Variants in RUNX3 observed in about 807,000 individuals in gnomAD.
RUNX3 encodes the protein RUNX family transcription factor 3.
RUNX3 carries 10 observed loss-of-function variants against 27.7 expected under a neutral mutation model. That is an observed-to-expected ratio of 0.36 (90% CI 0.22 to 0.61). RUNX3 has a LOEUF of 0.61. RUNX3 is among the 20% of genes least tolerant of loss of function. The pLI, the probability that RUNX3 is intolerant of heterozygous loss-of-function variation, is 0.72. For synonymous variants in RUNX3, 270 were observed against 269.2 expected, an observed-to-expected ratio of 1.00 and a Z score of -0.03; for missense variants, 469 against 629.5, an observed-to-expected ratio of 0.75 and a Z score of 2.73.
rs1641119394 is a variant in RUNX3, at chr1:24,927,401, C to T, written c.439+173G>A. Among the ~76,000 whole-genome samples, 1 of 152,162 alleles carries T rather than the reference C, an allele frequency of 6.6e-6. No homozygotes were observed. Among genetic ancestry groups the T allele is most frequent in the Admixed American group, 6.5e-5 (1 of 15,280 alleles). On this transcript the variant is annotated intron_variant, in intron 2 of 4. Coordinates refer to ENST00000308873, the MANE Select transcript of RUNX3 (RefSeq NM_004350.3). This position sits in a 1 kb window ranked among gnomAD's most constrained non-coding sequence, Gnocchi z 5.0. ...TTTCTGGCAAGAGACCATAACTTTCCTCACCTCCTCAAAGCGATCTGTAAT... is the reference window on the plus strand; with the variant it reads ...TTTCTGGCAAGAGACCATAACTTTCTTCACCTCCTCAAAGCGATCTGTAAT...
chr1:24,923,593 G>A lies in RUNX3; in HGVS notation c.439+3981C>T, dbSNP rs192749348. ...CTCCAGGACCCATCATCAACCAGCC[G>A]GGGTGGCAGCAGGGCCTCAGGCAAG... On this transcript the variant is annotated intron_variant, in intron 2 of 4. Coordinates refer to ENST00000308873, the MANE Select transcript of RUNX3 (RefSeq NM_004350.3). This position sits in a 1 kb window ranked among gnomAD's most constrained non-coding sequence, Gnocchi z 5.9. Among the ~76,000 whole-genome samples, 7 of 152,234 alleles carry A rather than the reference G, an allele frequency of 4.6e-5. No homozygotes were observed. Among genetic ancestry groups the A allele is most frequent in the Admixed American group, 2.6e-4 (4 of 15,294 alleles).
At chr1:24,950,879 G>A (rs945294444) in intron 2 of RUNX3, among the ~76,000 whole-genome samples, 2 of 152,116 alleles carry the variant, frequency 1.3e-5, no homozygotes, top group African/African-American at 2.4e-5. Context: ...GGAACCCAGA[G>A]GTCCCTGCCA....
intron 2 of RUNX3, among the ~76,000 whole-genome samples, chr1:24,960,999 C>T (rs1030300546): frequency 1.3e-5 from 2 of 152,204 alleles, no homozygotes; most frequent in South Asian, 2.1e-4. Context: ...CATCCATGCA[C>T]CAGCCCTGAG....
intron 2 of RUNX3, among the ~76,000 whole-genome samples, chr1:24,958,840 C>T (rs1413185898): frequency 1.3e-5 from 2 of 152,228 alleles, no homozygotes; most frequent in Admixed American, 1.3e-4. Flanking sequence ...TGTTTGGGTT[C>T]AGTCTGGAAG....
At position 24,939,217 on chromosome 1, in the gene RUNX3, A is replaced by ATC. The variant is rs1453101821; in HGVS notation, c.59-9367_59-9366dup. On this transcript the variant is annotated intron_variant, in intron 2 of 6. Transcript: ENST00000338888. ...AGAGTGCACACACACACGCACACACATCTATACCCTACATGTGTGCACTCA... is the reference window on the plus strand; with the variant it reads ...AGAGTGCACACACACACGCACACACATCTCTATACCCTACATGTGTGCACTCA... Among the ~76,000 whole-genome samples the ATC allele has an allele frequency of 4.6e-5, 7 of 152,132 alleles. No individual in the cohort carries two copies. In the East Asian group the frequency reaches 1.3e-3, roughly 29 times the overall value.
chr1:24,914,555 G>T (rs1322068541), intron 3 of RUNX3, among the ~76,000 whole-genome samples: 1 of 152,206 alleles, frequency 6.6e-6, no homozygotes, highest in African/African-American at 2.4e-5. Flanking sequence ...CAGCGGGCAG[G>T]GAGGCGAGCG....
At chr1:24,931,979 T>G (rs1641240269), upstream of RUNX3, among the ~76,000 whole-genome samples, 1 of 152,198 alleles carries the variant, frequency 6.6e-6, no homozygotes, top group Non-Finnish European at 1.5e-5. Context: ...GCCTGGGCGC[T>G]CCCACCTCCG....
intron 2 of RUNX3, among the ~76,000 whole-genome samples, chr1:24,950,798 G>C (rs1417530127): frequency 6.6e-6 from 1 of 152,176 alleles, no homozygotes; most frequent in African/African-American, 2.4e-5. Flanking sequence ...GTAGGCCTGG[G>C]CATGACCCTG....
At chr1:24,907,798 CAAACCTCTACAACACACGGTGATCT>C (rs1557836939) in intron 3 of RUNX3, among the ~76,000 whole-genome samples, 44 of 134,984 alleles carry the variant, frequency 3.3e-4, no homozygotes, top group African/African-American at 6.2e-4. Flanking sequence ...CACGGTGATC[CAAACCTCTACAACACACGGTGATCT>C]AAACCTCTAC....
At chr1:24,944,673 G>A (rs1191055654) in intron 2 of RUNX3, among the ~76,000 whole-genome samples, 1 of 152,212 alleles carries the variant, frequency 6.6e-6, no homozygotes, top group Non-Finnish European at 1.5e-5. Flanking sequence ...AACTGATTAG[G>A]GAACCTGAGA....
chr1:24,902,006 C>A lies in RUNX3; in HGVS notation c.*116G>T. The A allele has an allele frequency of 9.7e-7, 1 of 1,026,490 alleles. No homozygotes were observed. The highest frequency in any genetic ancestry group is 1.4e-6 in the Non-Finnish European group (1 of 726,392). 63.6% of individuals were successfully genotyped at this position (1,026,490 alleles called of 1,614,324 possible). A position where few individuals can be genotyped will look rare whatever the true frequency, so the allele number is the denominator to read the frequency against. On this transcript the variant is annotated 3_prime_UTR_variant, in exon 5 of 5. Coordinates refer to ENST00000308873, the MANE Select transcript of RUNX3 (RefSeq NM_004350.3). This position sits in a 1 kb window ranked among gnomAD's most constrained non-coding sequence, Gnocchi z 9.2. ...CCACCAGCTGGGACCACCCTGGGAC[C>A]GAGACCACCCTGGAGCGCAGGTCCC... is the stretch of plus-strand genomic sequence containing the variant.
At chr1:24,963,411 A>G (rs976524018) in intron 2 of RUNX3, among the ~76,000 whole-genome samples, 5 of 152,188 alleles carry the variant, frequency 3.3e-5, no homozygotes, top group Admixed American at 1.3e-4. Context: ...TCGGCTGAGG[A>G]AAGGCAGCAC....
chr1:24,927,473 G>A lies in RUNX3; in HGVS notation c.439+101C>T, dbSNP rs1482583027. 2 of 1,126,936 alleles carry A rather than the reference G, an allele frequency of 1.8e-6. No homozygotes were observed. Among genetic ancestry groups the A allele is most frequent in the Middle Eastern group, 2.5e-4 (1 of 4,034 alleles). The allele number at this position is 1,126,936 out of a possible 1,614,324, so 69.8% of individuals were successfully genotyped here. A position where few individuals can be genotyped will look rare whatever the true frequency, so the allele number is the denominator to read the frequency against. ...CTGTTTTTAGACAGAGCTGCATCTG[G>A]AGACCTGTTTTTCGGGATTCTAAGG... On this transcript the variant is annotated intron_variant, in intron 2 of 4. Coordinates refer to ENST00000308873, the MANE Select transcript of RUNX3 (RefSeq NM_004350.3). This position sits in a 1 kb window ranked among gnomAD's most constrained non-coding sequence, Gnocchi z 5.0.
chr1:24,906,514 A>C (rs926711890), intron 4 of RUNX3, among the ~76,000 whole-genome samples: 1 of 152,204 alleles, frequency 6.6e-6, no homozygotes, highest in Non-Finnish European at 1.5e-5. Context: ...GACTGAGAGA[A>C]CAGAGGAGAG....
chr1:24,946,890 T>G (rs1641621464), intron 2 of RUNX3, among the ~76,000 whole-genome samples: 1 of 152,200 alleles, frequency 6.6e-6, no homozygotes, highest in South Asian at 2.1e-4. Flanking sequence ...GCCTCACTGA[T>G]TCCATCCAAC....
At chr1:24,921,682 C>A (rs1641003685) in intron 2 of RUNX3, among the ~76,000 whole-genome samples, 2 of 152,232 alleles carry the variant, frequency 1.3e-5, no homozygotes, top group South Asian at 4.1e-4. Context: ...CTTTCTCCTC[C>A]AACCAGCCCA....
chr1:24,964,958 G>A (rs1642220370), exon 1 of RUNX3: 2 of 300,232 alleles, frequency 6.7e-6, no homozygotes, highest in Non-Finnish European at 1.3e-5. Flanking sequence ...GAGGAGCTCC[G>A]AAGCTGACAG....
At chr1:24,939,777 C>T (rs1571338176) in intron 2 of RUNX3, among the ~76,000 whole-genome samples, 1 of 152,338 alleles carries the variant, frequency 6.6e-6, no homozygotes, top group East Asian at 1.9e-4. Flanking sequence ...AGCCTGTCTT[C>T]CTGGTCCAGA....
chr1:24,901,878 G>C lies in RUNX3; in HGVS notation c.*244C>G. 2.0e-6 allele frequency: 1 copy of C among 505,746 alleles called. No individual in the cohort carries two copies. Among genetic ancestry groups the C allele is most frequent in the Non-Finnish European group, 3.5e-6 (1 of 285,092 alleles). 31.3% of individuals were successfully genotyped at this position (505,746 alleles called of 1,614,324 possible). A position where few individuals can be genotyped will look rare whatever the true frequency, so the allele number is the denominator to read the frequency against. On this transcript the variant is annotated 3_prime_UTR_variant, in exon 5 of 5. Coordinates refer to ENST00000308873, the MANE Select transcript of RUNX3 (RefSeq NM_004350.3). ...GATTCCCCACAGAAGTATGGGATGA[G>C]ACGGCCAGGATCTGGGCCGGGGGCA...
Sources: allele counts gnomAD v4.1 joint callset (sites outside exome capture counted in the v4.1 genomes callset), GRCh38; gene constraint gnomAD v4.1.1; non-coding constraint Gnocchi (gnomAD v3.1); transcripts MANE v1.5; gene names NCBI Gene and HGNC (gene_info 2026-07-23, HGNC 2026-07-21).